RAPGEF3: variants seen among roughly 807,000 people sequenced by gnomAD.
RAPGEF3 encodes the protein Rap guanine nucleotide exchange factor 3.
A neutral mutation model predicts 129.8 loss-of-function variants in RAPGEF3; 103 were observed. The ratio of observed to expected loss-of-function variants is 0.79; its 90% CI spans 0.68 to 0.93. RAPGEF3 has a LOEUF of 0.93. Among genes scored for constraint, RAPGEF3 ranks in the 40% least tolerant of loss-of-function variants. The probability of loss-of-function intolerance (pLI) is 0.00; values close to 1 mark genes in which losing one functional copy is unlikely to be tolerated. For synonymous variants in RAPGEF3, 436 were observed against 482.6 expected, an observed-to-expected ratio of 0.90 and a Z score of 1.26; for missense variants, 1,117 against 1,207.4, an observed-to-expected ratio of 0.93 and a Z score of 1.11.
intron 2 of RAPGEF3, among the ~76,000 whole-genome samples, chr12:47,752,994 C>T (rs901839606): frequency 6.6e-6 from 1 of 152,238 alleles, no homozygotes; most frequent in African/African-American, 2.4e-5. Flanking sequence ...CTTCCTACCA[C>T]CTGAGAATCT....
At chr12:47,748,350 A>G in intron 12 of RAPGEF3, 104 bp downstream of exon 12, 1 of 1,157,436 alleles carries the variant, frequency 8.6e-7, no homozygotes, top group Admixed American at 2.0e-5. Flanking sequence ...TGTACAGACC[A>G]ATCCAGCATT....
Position 47,737,392 on chromosome 12 carries a change from C to T in RAPGEF3, c.*175G>A. 1.6e-6 allele frequency: 1 copy of T among 616,958 alleles called. No individual in the cohort carries two copies. Among genetic ancestry groups the T allele is most frequent in the Non-Finnish European group, 2.8e-6 (1 of 351,336 alleles). The allele number at this position is 616,958 out of a possible 1,614,324, so 38.2% of individuals were successfully genotyped here. On this transcript the variant is annotated 3_prime_UTR_variant, in exon 28 of 28. Coordinates refer to ENST00000449771, the MANE Select transcript of RAPGEF3 (RefSeq NM_001098531.4). ...GGCTCGGGTCCACTCCGAGGTCCTC[C>T]TTAGCTGCCAGTCATCACAGGGGAT...
Position 47,747,600 on chromosome 12 carries a change from G to T in RAPGEF3, c.1500C>A (p.Asp500Glu). 6.2e-7 allele frequency: 1 copy of T among 1,614,090 alleles called. No homozygotes were observed. Among genetic ancestry groups the T allele is most frequent in the Non-Finnish European group, 8.5e-7 (1 of 1,179,946 alleles). ...CCCTCAGCAGGTTGCTGAGTCGGGT[G>T]TCCCTGCCCACCAGGTCTGAGAGTT... Reference protein sequence around the residue: ...LQKLSDLVGRDTRLSNLLREQ... With the variant: ...LQKLSDLVGRETRLSNLLREQ... The change falls in exon 15 of 28, where the codon GAC (aspartate) becomes GAA (glutamate). Residue 500 changes from aspartate to glutamate, a missense_variant. Around this residue, in one of 3 missense-constraint regions of RAPGEF3, gnomAD observed 643 missense variants for 673.4 expected, o/e 0.95. Coordinates refer to ENST00000449771, the MANE Select transcript of RAPGEF3 (RefSeq NM_001098531.4).
At position 47,748,469 on chromosome 12, in the gene RAPGEF3, C is replaced by T. The variant is rs1377836650; in HGVS notation, c.1228G>A (p.Ala410Thr). The change falls in exon 12 of 28, where the codon GCT becomes ACT. Residue 410 changes from alanine (A) to threonine (T), a missense_variant. Physicochemically the swap from Ala to Thr is moderately conservative, Grantham distance 58. Coordinates refer to ENST00000449771, the MANE Select transcript of RAPGEF3 (RefSeq NM_001098531.4). ...TTGCCCTTACCTGTTGGGTCATGAG[C>T]ACTGGAATCTGGTCCCATGGCCTCC... The part of the protein sequence containing the change: ...LLEAMGPDSS[A>T]HDPTETFLSD... 1.9e-6 allele frequency: 3 copies of T among 1,613,580 alleles called. No homozygotes were observed. Among genetic ancestry groups the T allele is most frequent in the Admixed American group, 1.7e-5 (1 of 60,004 alleles).
rs752633794 is a variant in RAPGEF3, at chr12:47,737,556, C to T, written c.*11G>A. ...GCAAGTGCCTGCTCCAGCTCCAGTC[C>T]CAGCCCCTCCTCATGGCTCCAGCTC... is the stretch of plus-strand genomic sequence containing the variant. On this transcript the variant is annotated 3_prime_UTR_variant, in exon 28 of 28. Coordinates refer to ENST00000449771, the MANE Select transcript of RAPGEF3 (RefSeq NM_001098531.4). The T allele has an allele frequency of 1.2e-6, 2 of 1,609,810 alleles. No individual in the cohort carries two copies. The highest frequency in any genetic ancestry group is 4.5e-5 in the East Asian group (2 of 44,776).
chr12:47,744,605 A>G (rs1941329815), intron 16 of RAPGEF3: 1 of 158,058 alleles, frequency 6.3e-6, no homozygotes. Context: ...ATACTGTGTC[A>G]GTGGCCCTGT....
At chr12:47,745,390 G>A (rs1565756036) in intron 16 of RAPGEF3, 1 of 152,214 alleles carries the variant, frequency 6.6e-6, no homozygotes, top group East Asian at 2.0e-4. Context: ...CCCCTTTAAT[G>A]GTTTGCACTG....
intron 7 of RAPGEF3, 100 bp downstream of exon 7, chr12:47,750,241 A>C: frequency 1.5e-6 from 2 of 1,300,982 alleles, no homozygotes; most frequent in Non-Finnish European, 2.2e-6. Context: ...CATAGATGGA[A>C]GTGGAGAAAT....
intron 17 of RAPGEF3, 29 bp from the exon 18 acceptor site, chr12:47,743,705 G>A: frequency 2.5e-6 from 4 of 1,593,962 alleles, no homozygotes; most frequent in Non-Finnish European, 3.4e-6. Context: ...TGAGCTGTGG[G>A]AAGGGCTGCC....
At position 47,749,993 on chromosome 12, in the gene RAPGEF3, G is replaced by A. The variant is rs1287418240; in HGVS notation, c.757-3C>T. 1.4e-5 allele frequency: 23 copies of A among 1,614,238 alleles called. No individual in the cohort carries two copies. The highest frequency in any genetic ancestry group is 1.9e-5 in the Non-Finnish European group (22 of 1,180,044). ...ACAGCCGCTAATTCTCGCTTCACCTGTGTGGTGGAGATAGGAGAGTCGGTG... is the reference window on the plus strand; with the variant it reads ...ACAGCCGCTAATTCTCGCTTCACCTATGTGGTGGAGATAGGAGAGTCGGTG... On this transcript the variant is annotated splice_polypyrimidine_tract_variant and splice_region_variant and intron_variant, in intron 7 of 27. Coordinates refer to ENST00000449771, the MANE Select transcript of RAPGEF3 (RefSeq NM_001098531.4). This position sits in a 1 kb window ranked among gnomAD's most constrained non-coding sequence, Gnocchi z 4.5.
chr12:47,757,390 A>C (rs755254448), intron 2 of RAPGEF3, among the ~76,000 whole-genome samples: 9 of 152,252 alleles, frequency 5.9e-5, no homozygotes, highest in South Asian at 4.1e-4. Flanking sequence ...GGTACCAAGC[A>C]GTGTCCACAT....
In RAPGEF3 at chr12:47,750,001, G is replaced by A. The variant is rs780858696; in HGVS notation, c.757-11C>T. On this transcript the variant is annotated splice_polypyrimidine_tract_variant and intron_variant, in intron 7 of 27. Coordinates refer to ENST00000449771, the MANE Select transcript of RAPGEF3 (RefSeq NM_001098531.4). ...TAATTCTCGCTTCACCTGTGTGGTGGAGATAGGAGAGTCGGTGGCGACAAG... is the reference window on the plus strand; with the variant it reads ...TAATTCTCGCTTCACCTGTGTGGTGAAGATAGGAGAGTCGGTGGCGACAAG... 5.8e-5 allele frequency: 93 copies of A among 1,614,114 alleles called. No individual in the cohort carries two copies. The highest frequency in any genetic ancestry group is 7.3e-5 in the Non-Finnish European group (86 of 1,180,050).
Position 47,749,216 on chromosome 12 carries a change from G to T in RAPGEF3, c.1041+174C>A. ...TCACTGAACTCCTTCTGTGCCTTATGGGCTTCACCTTCTCACACACACCCA... is the reference window on the plus strand; with the variant it reads ...TCACTGAACTCCTTCTGTGCCTTATTGGCTTCACCTTCTCACACACACCCA... On this transcript the variant is annotated intron_variant, in intron 10 of 27. Transcript: ENST00000449771. The surrounding 1 kb of genome is among the most constrained non-coding windows in gnomAD (Gnocchi z 4.5). 2.5e-6 allele frequency: 2 copies of T among 792,266 alleles called. No homozygotes were observed. Among genetic ancestry groups the T allele is most frequent in the Non-Finnish European group, 2.1e-6 (1 of 486,790 alleles). 49.1% of individuals were successfully genotyped at this position (792,266 alleles called of 1,614,324 possible).
At chr12:47,750,316 C>T in intron 7 of RAPGEF3, 25 bp downstream of exon 7, 1 of 1,603,184 alleles carries the variant, frequency 6.2e-7, no homozygotes, top group Non-Finnish European at 8.5e-7. Context: ...TGGTACGGGG[C>T]AGGGCTGGGA....
At chr12:47,751,550 G>A (rs776878692) in intron 4 of RAPGEF3, 30 bp from the exon 5 acceptor site, 3 of 1,613,302 alleles carry the variant, frequency 1.9e-6, no homozygotes, top group East Asian at 2.2e-5. Context: ...ACAGGCCAGT[G>A]GAAGGAGGGT....
chr12:47,746,385 C>T, intron 16 of RAPGEF3: 1 of 477,338 alleles, frequency 2.1e-6, no homozygotes, highest in Non-Finnish European at 3.7e-6. Flanking sequence ...CATTCCTCAA[C>T]CAAATCCTGG....
chr12:47,741,670 G>T, intron 18 of RAPGEF3, 68 bp from the exon 19 acceptor site: 1 of 1,333,972 alleles, frequency 7.5e-7, no homozygotes, highest in Non-Finnish European at 1.1e-6. Context: ...TGGATGCCAG[G>T]GTGGAGGTGC....
At chr12:47,743,768 A>G in intron 17 of RAPGEF3, 92 bp from the exon 18 acceptor site, 1 of 1,519,900 alleles carries the variant, frequency 6.6e-7, no homozygotes. Flanking sequence ...GGTGGGAGGG[A>G]TCCCCAAGAG....
At position 47,751,223 on chromosome 12, in the gene RAPGEF3, G is replaced by A. The variant is rs1312251285; in HGVS notation, c.503-7C>T. The A allele has an allele frequency of 5.8e-6, 9 of 1,548,882 alleles. No homozygotes were observed. Among genetic ancestry groups the A allele is most frequent in the Non-Finnish European group, 7.0e-6 (8 of 1,145,666 alleles). ...AAGGCCCAGTCGTGTTTCACTGGGGGGCAGAGGCCCAGGCGTGGGGGAGGA... is the reference window on the plus strand; with the variant it reads ...AAGGCCCAGTCGTGTTTCACTGGGGAGCAGAGGCCCAGGCGTGGGGGAGGA... On this transcript the variant is annotated splice_polypyrimidine_tract_variant and splice_region_variant and intron_variant, in intron 5 of 27. Transcript: ENST00000449771.
Sources: allele counts gnomAD v4.1 joint callset (sites outside exome capture counted in the v4.1 genomes callset), GRCh38; gene constraint gnomAD v4.1.1; regional missense constraint gnomAD v4.1.1; non-coding constraint Gnocchi (gnomAD v3.1); transcripts MANE v1.5; gene names NCBI Gene and HGNC (gene_info 2026-07-23, HGNC 2026-07-21).